CLASP1: variants seen among roughly 807,000 people sequenced by gnomAD.
CLASP1 encodes the protein CLIP-associating protein 1.
In CLASP1, 38 loss-of-function variants were observed where a neutral mutation model predicts 192.3. That is an observed-to-expected ratio of 0.20 (90% CI 0.15 to 0.26). The LOEUF is 0.26. Ranked by LOEUF, CLASP1 falls within the 10% of genes least tolerant of loss-of-function variation. The pLI is 1.00. For synonymous variants in CLASP1, 691 were observed against 712.8 expected (o/e 0.97, Z 0.49); for missense variants, 1,433 against 1,932.5 (o/e 0.74, Z 4.85).
intron 1 of CLASP1, among the ~76,000 whole-genome samples, chr2:121,618,692 A>G (rs1009196773): frequency 2.0e-5 from 3 of 152,250 alleles, no homozygotes. Flanking sequence ...TAATATAAAA[A>G]GTGTTTCTAA....
At chr2:121,395,354 T>A (rs2075103666) in intron 30 of CLASP1, among the ~76,000 whole-genome samples, 1 of 152,240 alleles carries the variant, frequency 6.6e-6, no homozygotes, top group Non-Finnish European at 1.5e-5. Context: ...GTCTTAAAAA[T>A]GATGGCTTCA....
intron 13 of CLASP1, 69 bp from the exon 14 acceptor site, chr2:121,457,826 C>A: frequency 9.3e-7 from 1 of 1,071,088 alleles, no homozygotes; most frequent in Admixed American, 1.8e-5. Context: ...TTAAGAGAAT[C>A]ACTTCCTTAC....
chr2:121,350,554 C>T (rs2064176677), intron 37 of CLASP1, among the ~76,000 whole-genome samples: 1 of 152,180 alleles, frequency 6.6e-6, no homozygotes, highest in Non-Finnish European at 1.5e-5. Context: ...ACCTTCAGCC[C>T]AGGGCTACAC....
intron 2 of CLASP1, among the ~76,000 whole-genome samples, chr2:121,570,213 G>C (rs907651188): frequency 6.6e-6 from 1 of 152,090 alleles, no homozygotes; most frequent in Non-Finnish European, 1.5e-5. Flanking sequence ...CCAAAGGAAA[G>C]AGACAGGTGG....
Position 121,447,380 on chromosome 2 carries a change from GA to G in CLASP1, c.1868del (p.Phe623SerfsTer15). ...CTGGAGGCAAAGCTGCTGCAGAGCTGAAAGGCGTCGTGCCCGAAGATGAGGA... is the reference window on the plus strand; with the variant it reads ...CTGGAGGCAAAGCTGCTGCAGAGCTGAAGGCGTCGTGCCCGAAGATGAGGA... On this transcript the variant is annotated frameshift_variant, in exon 19 of 40. Coordinates refer to ENST00000263710, the Ensembl canonical transcript of CLASP1. LOFTEE classifies it high-confidence loss of function. The G allele has an allele frequency of 6.3e-7, 1 of 1,586,296 alleles. No individual in the cohort carries two copies. The highest frequency in any genetic ancestry group is 1.2e-5 in the South Asian group (1 of 86,322).
At chr2:121,594,024 C>A (rs1214726946) in intron 2 of CLASP1, among the ~76,000 whole-genome samples, 1 of 150,544 alleles carries the variant, frequency 6.6e-6, no homozygotes, top group African/African-American at 2.5e-5. Flanking sequence ...AAAGGCCTGG[C>A]GCGGTGGCTC....
At chr2:121,533,216 G>A (rs2094944762) in intron 2 of CLASP1, among the ~76,000 whole-genome samples, 1 of 152,174 alleles carries the variant, frequency 6.6e-6, no homozygotes, top group Admixed American at 6.5e-5. Flanking sequence ...AGATGCACCT[G>A]AGCCCCAGAG....
intron 39 of CLASP1, among the ~76,000 whole-genome samples, chr2:121,342,849 T>C (rs2062956032): frequency 6.6e-6 from 1 of 152,122 alleles, no homozygotes; most frequent in Admixed American, 6.5e-5. Context: ...GATGGGAGGA[T>C]GGCTTGAGTC....
intron 2 of CLASP1, among the ~76,000 whole-genome samples, chr2:121,599,916 CAAAAAAA>C (rs749861641): frequency 6.4e-5 from 5 of 78,458 alleles, no homozygotes; most frequent in South Asian, 8.2e-4. Context: ...GAGACTCTGT[CAAAAAAA>C]AAAAAAAAAA....
At chr2:121,445,035 G>A (rs1307944347) in intron 19 of CLASP1, 12 of 958,918 alleles carry the variant, frequency 1.3e-5, no homozygotes, top group Middle Eastern at 2.6e-4. Flanking sequence ...TTAAAAAGCC[G>A]AATGTTATTA....
intron 2 of CLASP1, among the ~76,000 whole-genome samples, chr2:121,556,695 C>G (rs1489535770): frequency 2.0e-5 from 3 of 152,178 alleles, no homozygotes; most frequent in African/African-American, 7.2e-5. Flanking sequence ...TTGCTATTGT[C>G]TAGAACCATA....
At chr2:121,482,348 C>T (rs896318236) in intron 8 of CLASP1, among the ~76,000 whole-genome samples, 1 of 152,120 alleles carries the variant, frequency 6.6e-6, no homozygotes, top group Non-Finnish European at 1.5e-5. Flanking sequence ...GACAAAGTCT[C>T]CAAGTCATGT....
intron 19 of CLASP1, among the ~76,000 whole-genome samples, chr2:121,441,375 A>G (rs1198189337): frequency 1.3e-5 from 2 of 152,194 alleles, no homozygotes; most frequent in African/African-American, 4.8e-5. Context: ...TTACAGAACC[A>G]AAACAGAGGA....
intron 2 of CLASP1, among the ~76,000 whole-genome samples, chr2:121,541,006 T>C (rs1439210251): frequency 6.6e-6 from 1 of 152,202 alleles, no homozygotes; most frequent in Non-Finnish European, 1.5e-5. Flanking sequence ...TCTTTGTGTT[T>C]TGTGCACATT....
intron 9 of CLASP1, 64 bp from the exon 10 acceptor site, chr2:121,462,669 G>A: frequency 1.1e-6 from 1 of 929,300 alleles, no homozygotes; most frequent in Non-Finnish European, 1.7e-6. Context: ...ATACACTGAA[G>A]AAGTCTAAAC....
chr2:121,348,463 G>A lies in CLASP1; in HGVS notation c.4413+49C>T, dbSNP rs375512252. 21 of 1,520,112 alleles carry A rather than the reference G, an allele frequency of 1.4e-5. No individual in the cohort carries two copies. The African/African-American group carries it at 2.6e-4, about 19-fold the overall frequency. 94.2% of individuals were successfully genotyped at this position (1,520,112 alleles called of 1,614,324 possible). On this transcript the variant is annotated intron_variant, in intron 38 of 39. Transcript: ENST00000263710. Reference sequence around the variant, plus strand: ...AAAGCCCTTACATTACTTCAAGTTAGGCAACCCCACACAGGCCGGGGGCAG... The same window carrying A: ...AAAGCCCTTACATTACTTCAAGTTAAGCAACCCCACACAGGCCGGGGGCAG...
rs115474021 is a variant in CLASP1 at position 121,590,662 on chromosome 2, T to C, written c.195+15039A>G. Among the ~76,000 whole-genome samples the C allele has an allele frequency of 7.4e-3, 1,132 of 152,304 alleles. 16 individuals carry two copies. The highest frequency in any genetic ancestry group is 0.025 in the African/African-American group (1,041 of 41,574). Reference sequence around the variant, plus strand: ...TTCCTGTTTATACAATAAGTACATATTGCTTTTACTGTAATAAAAACAAAT... The same window carrying C: ...TTCCTGTTTATACAATAAGTACATACTGCTTTTACTGTAATAAAAACAAAT... On this transcript the variant is annotated intron_variant, in intron 2 of 39. Coordinates refer to ENST00000263710, the Ensembl canonical transcript of CLASP1.
At chr2:121,342,304 G>A (rs1014581503) in intron 39 of CLASP1, among the ~76,000 whole-genome samples, 2 of 152,032 alleles carry the variant, frequency 1.3e-5, no homozygotes, top group South Asian at 2.1e-4. Flanking sequence ...TATTTTGTAT[G>A]ATGGGGCTTT....
intron 2 of CLASP1, among the ~76,000 whole-genome samples, chr2:121,546,304 A>T (rs1238414243): frequency 6.6e-6 from 1 of 151,802 alleles, no homozygotes; most frequent in African/African-American, 2.4e-5. Context: ...TAGAAATGAA[A>T]TATAGAAATC....
Sources: allele counts gnomAD v4.1 joint callset (sites outside exome capture counted in the v4.1 genomes callset), GRCh38; gene constraint gnomAD v4.1.1; transcripts MANE v1.5; gene names NCBI Gene and HGNC (gene_info 2026-07-23, HGNC 2026-07-21).